Variants in DTHD1 observed in about 807,000 individuals in gnomAD.
The protein encoded by DTHD1 is death domain-containing protein 1.
Under a neutral mutation model 74.8 loss-of-function variants are expected in DTHD1, and 59 were observed. The ratio of observed to expected loss-of-function variants is 0.79; its 90% CI spans 0.64 to 0.98. DTHD1 has a LOEUF of 0.98. Among genes scored for constraint, DTHD1 ranks in the 50% least tolerant of loss-of-function variants. The probability of loss-of-function intolerance (pLI) is 0.00; values close to 1 mark genes in which losing one functional copy is unlikely to be tolerated. For missense variants in DTHD1, 1,051 were observed against 1,065.4 expected (o/e 0.99, Z 0.19); for synonymous variants, 365 against 371.1 (o/e 0.98, Z 0.19).
rs769724268 is a variant in DTHD1, at chr4:36,294,830, A to C, written c.1434A>C (p.Leu478Phe). ...TTGACCCAGCTCTGGTGGCACATTTAAAAGCACAGCAAGATACTTTCTACT... is the reference window on the plus strand; with the variant it reads ...TTGACCCAGCTCTGGTGGCACATTTCAAAGCACAGCAAGATACTTTCTACT... ...QPVDPALVAH[L>F]KAQQDTFYSV... The change falls in exon 5 of 10, where the codon TTA becomes TTC. Residue 478 changes from leucine (L) to phenylalanine (F), a missense_variant. Physicochemically the swap from Leu to Phe is conservative, Grantham distance 22 (BLOSUM62 0). Coordinates refer to ENST00000639862, the MANE Select transcript of DTHD1 (RefSeq NM_001170700.3). 6.5e-7 allele frequency: 1 copy of C among 1,549,912 alleles called. No individual in the cohort carries two copies. The highest frequency in any genetic ancestry group is 8.7e-7 in the Non-Finnish European group (1 of 1,145,674).
intron 8 of DTHD1, chr4:36,334,057 T>C (rs1758856025): frequency 6.6e-6 from 1 of 152,212 alleles, no homozygotes; most frequent in South Asian, 2.1e-4. Flanking sequence ...TTTGTCCTGA[T>C]GTGACGTTAG....
intron 7 of DTHD1, among the ~76,000 whole-genome samples, chr4:36,308,849 A>G (rs1239573418): frequency 1.3e-5 from 2 of 152,342 alleles, no homozygotes; most frequent in Middle Eastern, 3.4e-3. Flanking sequence ...ATGTGGTAAT[A>G]AGAGTGATCA....
chr4:36,294,814 C>T lies in DTHD1; in HGVS notation c.1418C>T (p.Ala473Val), dbSNP rs1756291935. 1.3e-6 allele frequency: 2 copies of T among 1,547,934 alleles called. No individual in the cohort carries two copies. Among genetic ancestry groups the T allele is most frequent in the East Asian group, 2.4e-5 (1 of 40,882 alleles). Reference sequence around the variant, plus strand: ...GTTTAGATCCAACCAGTTGACCCAGCTCTGGTGGCACATTTAAAAGCACAG... The same window carrying T: ...GTTTAGATCCAACCAGTTGACCCAGTTCTGGTGGCACATTTAAAAGCACAG... ...VQLKIQPVDP[A>V]LVAHLKAQQD... The change falls in exon 5 of 10, where the codon GCT (alanine) becomes GTT (valine). Residue 473 changes from alanine (A) to valine (V), a missense_variant. By Grantham distance (64) the Ala-to-Val change is moderately conservative. Coordinates refer to ENST00000639862, the MANE Select transcript of DTHD1 (RefSeq NM_001170700.3).
chr4:36,296,207 A>C (rs1756387525), intron 5 of DTHD1, among the ~76,000 whole-genome samples: 1 of 152,156 alleles, frequency 6.6e-6, no homozygotes, highest in South Asian at 2.1e-4. Flanking sequence ...CAAGTTCTCA[A>C]AGGGCAAGAT....
intron 7 of DTHD1, among the ~76,000 whole-genome samples, chr4:36,314,806 C>G (rs1553969615): frequency 7.7e-6 from 1 of 129,840 alleles, no homozygotes; most frequent in Non-Finnish European, 1.6e-5. Context: ...AATCCTGCCT[C>G]TTATCATTTG....
At chr4:36,296,374 C>T (rs61280595) in intron 5 of DTHD1, among the ~76,000 whole-genome samples, 232 of 151,800 alleles carry the variant, frequency 1.5e-3, no homozygotes, top group African/African-American at 5.1e-3. Context: ...TTCAAGATAT[C>T]GAGAACAAGC....
chr4:36,343,968 G>A lies in DTHD1; in HGVS notation c.*144G>A. On this transcript the variant is annotated 3_prime_UTR_variant, in exon 10 of 10. Coordinates refer to ENST00000639862, the MANE Select transcript of DTHD1 (RefSeq NM_001170700.3). Reference sequence around the variant, plus strand: ...TGCTATTTAATGATGTGAGACAAAGGGAGAAGCACGGATCAGATAATAGAA... The same window carrying A: ...TGCTATTTAATGATGTGAGACAAAGAGAGAAGCACGGATCAGATAATAGAA... 1 of 773,916 alleles carries A rather than the reference G, an allele frequency of 1.3e-6. No individual in the cohort carries two copies. The highest frequency in any genetic ancestry group is 2.0e-6 in the Non-Finnish European group (1 of 497,430). 47.9% of individuals were successfully genotyped at this position (773,916 alleles called of 1,614,324 possible). A position where few individuals can be genotyped will look rare whatever the true frequency, so the allele number is the denominator to read the frequency against.
chr4:36,303,714 A>T (rs2109487407), intron 5 of DTHD1, among the ~76,000 whole-genome samples: 1 of 152,334 alleles, frequency 6.6e-6, no homozygotes, highest in Non-Finnish European at 1.5e-5. Context: ...CGGAAGACAG[A>T]TATAGCACAG....
chr4:36,291,088 C>T (rs1314457453), intron 3 of DTHD1, among the ~76,000 whole-genome samples: 1 of 152,110 alleles, frequency 6.6e-6, no homozygotes, highest in African/African-American at 2.4e-5. Context: ...TTTTTATTAT[C>T]CACGGGTTGG....
At chr4:36,311,350 C>G (rs1757396901) in intron 7 of DTHD1, 1 of 152,246 alleles carries the variant, frequency 6.6e-6, no homozygotes, top group African/African-American at 2.4e-5. Flanking sequence ...CAATTGATAC[C>G]TCATCCTGGT....
intron 9 of DTHD1, among the ~76,000 whole-genome samples, chr4:36,341,013 C>T (rs1166520789): frequency 1.3e-5 from 2 of 151,972 alleles, no homozygotes; most frequent in Non-Finnish European, 2.9e-5. Context: ...AGACACAGGC[C>T]AGGAATCAGT....
Position 36,290,537 on chromosome 4 carries a change from G to A in DTHD1, c.1052G>A (p.Cys351Tyr), listed in dbSNP as rs1436892020. 2 of 1,551,620 alleles carry A rather than the reference G, an allele frequency of 1.3e-6. No homozygotes were observed. The highest frequency in any genetic ancestry group is 2.7e-5 in the African/African-American group (2 of 73,146). Residue 351 changes from cysteine to tyrosine, a missense_variant, in exon 3 of 10, where the codon TGC becomes TAC. Physicochemically the swap from Cys to Tyr is radical, Grantham distance 194. Coordinates refer to ENST00000639862, the MANE Select transcript of DTHD1 (RefSeq NM_001170700.3). ...GTTAGCAACGTCATAACTATTGAATGCTCAGATAAGGAAAAGAGAGTTCCA... is the reference window on the plus strand; with the variant it reads ...GTTAGCAACGTCATAACTATTGAATACTCAGATAAGGAAAAGAGAGTTCCA... ...ELVSNVITIECSDKEKRVPFP... is the reference protein window; with the variant it reads ...ELVSNVITIEYSDKEKRVPFP...
At position 36,343,503 on chromosome 4, in the gene DTHD1, A is replaced by C; in HGVS notation, c.2400A>C (p.Glu800Asp). The change falls in exon 10 of 10, where the codon GAA (glutamate) becomes GAC (aspartate). Residue 800 changes from glutamate to aspartate, a missense_variant and splice_region_variant. Coordinates refer to ENST00000639862, the MANE Select transcript of DTHD1 (RefSeq NM_001170700.3). The part of the protein sequence containing the change: ...STKRVSKDPV[E>D]ALWDNLLHWL... ...GAGTGTTCCTCCTGTGCCTGACAGA[A>C]GCCCTTTGGGATAACTTGCTCCATT... The C allele has an allele frequency of 6.4e-7, 1 of 1,550,460 alleles. No homozygotes were observed.
Position 36,344,417 on chromosome 4 carries a change from A to T in DTHD1, c.*593A>T, listed in dbSNP as rs551924917. On this transcript the variant is annotated 3_prime_UTR_variant, in exon 10 of 10. Transcript: ENST00000639862. Reference sequence around the variant, plus strand: ...TGGCTCAATCTGGAAAGGTAGGACAACTCAAAGCAGGGGCTTCCAGATCAC... The same window carrying T: ...TGGCTCAATCTGGAAAGGTAGGACATCTCAAAGCAGGGGCTTCCAGATCAC... 2 of 152,406 alleles carry T rather than the reference A, an allele frequency of 1.3e-5. No individual in the cohort carries two copies. Among genetic ancestry groups the T allele is most frequent in the Admixed American group, 1.3e-4 (2 of 15,304 alleles). 9.4% of individuals were successfully genotyped at this position (152,406 alleles called of 1,614,324 possible). A position where few individuals can be genotyped will look rare whatever the true frequency, so the allele number is the denominator to read the frequency against.
At chr4:36,329,306 CA>C (rs112505906) in intron 8 of DTHD1, among the ~76,000 whole-genome samples, 1,951 of 152,270 alleles carry the variant, frequency 0.013, 34 homozygotes, top group African/African-American at 0.044. Flanking sequence ...CTAAAATTTT[CA>C]GCTCCTGAGT....
chr4:36,318,985 T>A (rs1392193529), intron 8 of DTHD1, among the ~76,000 whole-genome samples: 3 of 152,198 alleles, frequency 2.0e-5, no homozygotes, highest in Non-Finnish European at 4.4e-5. Flanking sequence ...GCGGCAATTT[T>A]CCCTGAGATA....
chr4:36,318,307 T>C (rs1286819350), intron 8 of DTHD1, among the ~76,000 whole-genome samples: 1 of 152,184 alleles, frequency 6.6e-6, no homozygotes, highest in Admixed American at 6.5e-5. Flanking sequence ...AGGTACACCT[T>C]TGATGTTGTA....
At chr4:36,321,060 C>T (rs1187292362) in intron 8 of DTHD1, among the ~76,000 whole-genome samples, 1 of 152,112 alleles carries the variant, frequency 6.6e-6, no homozygotes, top group Non-Finnish European at 1.5e-5. Flanking sequence ...AGGATCTCTG[C>T]GTCTCTTATT....
chr4:36,284,578 A>T lies in DTHD1; in HGVS notation c.874A>T (p.Ile292Leu). The change falls in exon 2 of 10, where the codon ATA (isoleucine) becomes TTA (leucine). Residue 292 changes from isoleucine to leucine, a missense_variant. Transcript: ENST00000639862. ...AGAGAATATAAAGCACAAGAATAAC[A>T]TAATGGAAAAGGAGTAAGTAAATGC... ...DSENIKHKNN[I>L]MEKEYLDVLS... is the part of the protein sequence containing the mutation. 6.6e-7 allele frequency: 1 copy of T among 1,515,378 alleles called. No individual in the cohort carries two copies. Among genetic ancestry groups the T allele is most frequent in the South Asian group, 1.3e-5 (1 of 79,632 alleles). 93.9% of individuals were successfully genotyped at this position (1,515,378 alleles called of 1,614,324 possible).
Sources: allele counts gnomAD v4.1 joint callset (sites outside exome capture counted in the v4.1 genomes callset), GRCh38; gene constraint gnomAD v4.1.1; transcripts MANE v1.5; gene names NCBI Gene and HGNC (gene_info 2026-07-23, HGNC 2026-07-21).